CCSER1: variants seen among roughly 807,000 people sequenced by gnomAD.
The protein encoded by CCSER1 is serine-rich coiled-coil domain-containing protein 1.
A neutral mutation model predicts 82.0 loss-of-function variants in CCSER1; 41 were observed. The ratio of observed to expected loss-of-function variants is 0.50; its 90% confidence interval spans 0.39 to 0.65. CCSER1 has a LOEUF of 0.65. Among genes scored for constraint, CCSER1 ranks in the 30% least tolerant of loss-of-function variants. The probability of loss-of-function intolerance (pLI) is 0.00; values close to 1 mark genes in which losing one functional copy is unlikely to be tolerated. For missense variants in CCSER1, 1,119 were observed against 1,064.2 expected, an observed-to-expected ratio of 1.05 and a Z score of -0.72; for synonymous variants, 414 against 383.9, an observed-to-expected ratio of 1.08 and a Z score of -0.92.
intron 4 of CCSER1, among the ~76,000 whole-genome samples, chr4:90,441,476 CT>C (rs1183815121): frequency 1.3e-5 from 2 of 151,558 alleles, no homozygotes; most frequent in African/African-American, 4.8e-5. Context: ...TCTCTGGGGT[CT>C]TTTTTTTAAG....
chr4:90,998,127 C>A (rs921509666), intron 9 of CCSER1, among the ~76,000 whole-genome samples: 2 of 151,990 alleles, frequency 1.3e-5, no homozygotes, highest in African/African-American at 4.8e-5. Context: ...ATTGCCCAGG[C>A]TTTAGTGCAA....
intron 10 of CCSER1, among the ~76,000 whole-genome samples, chr4:91,100,925 A>C (rs1041030046): frequency 1.3e-5 from 2 of 152,216 alleles, no homozygotes; most frequent in African/African-American, 4.8e-5. Context: ...CAGTACACTC[A>C]GTTTAACTTT....
At chr4:90,804,112 C>T (rs1757192617) in intron 7 of CCSER1, among the ~76,000 whole-genome samples, 1 of 151,940 alleles carries the variant, frequency 6.6e-6, no homozygotes. Context: ...CTGGTTATTA[C>T]TCCTTTGTCA....
intron 9 of CCSER1, among the ~76,000 whole-genome samples, chr4:90,997,617 A>G (rs1405051418): frequency 6.6e-6 from 1 of 152,178 alleles, no homozygotes; most frequent in Non-Finnish European, 1.5e-5. Context: ...AGAATTTATG[A>G]TTGTCAGCTT....
intron 9 of CCSER1, among the ~76,000 whole-genome samples, chr4:91,074,123 G>C (rs1721713942): frequency 6.6e-6 from 1 of 152,162 alleles, no homozygotes; most frequent in African/African-American, 2.4e-5. Flanking sequence ...CTAATAAGGG[G>C]TTGCATTTTA....
chr4:91,321,164 T>C (rs1448746600), intron 10 of CCSER1, among the ~76,000 whole-genome samples: 2 of 152,120 alleles, frequency 1.3e-5, no homozygotes, highest in African/African-American at 4.8e-5. Context: ...ATTCCGTAAG[T>C]GTTTCTACGC....
chr4:90,377,140 T>G (rs1227879670), intron 3 of CCSER1, among the ~76,000 whole-genome samples: 1 of 152,188 alleles, frequency 6.6e-6, no homozygotes, highest in Non-Finnish European at 1.5e-5. Context: ...GTACCAGGAT[T>G]TTTATGTTTT....
At chr4:90,317,940 G>T (rs1736464134) in intron 3 of CCSER1, among the ~76,000 whole-genome samples, 2 of 152,294 alleles carry the variant, frequency 1.3e-5, no homozygotes, top group South Asian at 4.1e-4. Context: ...AAGCAGCCAA[G>T]AATAATAATG....
chr4:91,598,877 G>T lies in CCSER1; in HGVS notation c.2523G>T (p.Thr841=). 6.4e-7 allele frequency: 1 copy of T among 1,551,598 alleles called. No individual in the cohort carries two copies. Among genetic ancestry groups the T allele is most frequent in the Non-Finnish European group, 8.7e-7 (1 of 1,146,912 alleles). ...CAGCTAAGACAGAAGGGCTCTCCAC[G>T]TTCTTAGAGAAACCAAAGGACCAAG... The part of the protein sequence containing the change: ...KPTAKTEGLS[T]FLEKPKDQVA... Residue 841 remains threonine, a synonymous_variant, in exon 11 of 11, where the codon ACG becomes ACT. Coordinates refer to ENST00000509176, the MANE Select transcript of CCSER1 (RefSeq NM_001145065.2).
At chr4:90,322,103 C>A (rs1481336160) in intron 3 of CCSER1, among the ~76,000 whole-genome samples, 18 of 151,988 alleles carry the variant, frequency 1.2e-4, no homozygotes, top group Admixed American at 1.0e-3. Flanking sequence ...TTCCATAGTT[C>A]CATAGTTTGA....
chr4:91,336,448 G>A (rs755992240), intron 10 of CCSER1, among the ~76,000 whole-genome samples: 1 of 151,990 alleles, frequency 6.6e-6, no homozygotes, highest in African/African-American at 2.4e-5. Context: ...TATTTGCTAC[G>A]CTATGCCTTT....
intron 10 of CCSER1, among the ~76,000 whole-genome samples, chr4:91,177,767 C>A (rs945209836): frequency 2.0e-5 from 3 of 152,130 alleles, no homozygotes; most frequent in African/African-American, 7.2e-5. Context: ...AAAAAACAAT[C>A]TCCTGGATTC....
At chr4:91,035,191 G>T (rs1412873080) in intron 9 of CCSER1, among the ~76,000 whole-genome samples, 1 of 152,090 alleles carries the variant, frequency 6.6e-6, no homozygotes, top group Non-Finnish European at 1.5e-5. Context: ...GTCATCATTT[G>T]CTAGAATTTG....
At chr4:90,703,830 A>G (rs1164865986) in intron 6 of CCSER1, among the ~76,000 whole-genome samples, 2 of 152,162 alleles carry the variant, frequency 1.3e-5, no homozygotes, top group Admixed American at 6.5e-5. Context: ...TGCTTGGTAG[A>G]TATTCCTCCA....
At chr4:91,126,138 T>C (rs1207025096) in intron 10 of CCSER1, among the ~76,000 whole-genome samples, 1 of 151,808 alleles carries the variant, frequency 6.6e-6, no homozygotes, top group Non-Finnish European at 1.5e-5. Flanking sequence ...AAGGCTGTCA[T>C]TTTCTAATAA....
chr4:91,146,230 A>C (rs1729522617), intron 10 of CCSER1, among the ~76,000 whole-genome samples: 1 of 152,132 alleles, frequency 6.6e-6, no homozygotes, highest in Non-Finnish European at 1.5e-5. Context: ...AGACTTCCAA[A>C]TATATTTTGA....
intron 8 of CCSER1, among the ~76,000 whole-genome samples, chr4:90,897,022 C>T (rs1723810002): frequency 6.6e-6 from 1 of 151,858 alleles, no homozygotes; most frequent in African/African-American, 2.4e-5. Flanking sequence ...TTGAATCTTA[C>T]AAATTTTTCC....
At chr4:90,713,778 C>A (rs537174241) in intron 6 of CCSER1, among the ~76,000 whole-genome samples, 2 of 151,950 alleles carry the variant, frequency 1.3e-5, no homozygotes, top group South Asian at 2.1e-4. Context: ...TTTCAGGTGC[C>A]CCAATCAGTC....
At chr4:90,258,169 GT>G (rs764024225) in intron 1 of CCSER1, among the ~76,000 whole-genome samples, 6 of 152,106 alleles carry the variant, frequency 3.9e-5, no homozygotes, top group Non-Finnish European at 7.3e-5. Flanking sequence ...CTCCCATTCT[GT>G]ATTTAAGGGC....
Sources: gnomAD v4.1 joint callset for allele counts (sites outside exome capture counted in the v4.1 genomes callset) on GRCh38, gnomAD v4.1.1 for gene constraint, MANE v1.5 for transcripts, NCBI Gene and HGNC (gene_info 2026-07-23, HGNC 2026-07-21) for gene names.